The following TBL1X variants were observed in gnomAD, a reference collection of about 807,000 sequenced individuals.
TBL1X encodes transducin beta like 1 X-linked.
In TBL1X, 10 loss-of-function variants were observed where a neutral mutation model predicts 50.7. The observed-to-expected ratio is 0.20, with a 90% CI of 0.12 to 0.33. The LOEUF is 0.33. Ranked by LOEUF, TBL1X falls within the 10% of genes least tolerant of loss-of-function variation. The pLI is 1.00. For synonymous variants in TBL1X, 190 were observed against 214.7 expected, an observed-to-expected ratio of 0.88 and a Z score of 1.01; for missense variants, 340 against 504.4, an observed-to-expected ratio of 0.67 and a Z score of 3.12.
At position 9,691,134 on chromosome X, in the gene TBL1X, C is replaced by T. The variant is rs748850784; in HGVS notation, c.617-445C>T. On this transcript the variant is annotated intron_variant, in intron 7 of 17. Coordinates refer to ENST00000645353, the MANE Select transcript of TBL1X (RefSeq NM_005647.4). ...CTAAATTGCACTAAAGCCACGATTT[C>T]GTTAGAATCATCAGAGGTAGGCCGG... Among the ~76,000 whole-genome samples the T allele has an allele frequency of 1.8e-4, 20 of 111,886 alleles. No homozygotes were observed. The East Asian group carries it at 4.8e-3, about 27-fold the overall frequency.
intron 2 of TBL1X, among the ~76,000 whole-genome samples, chrX:9,513,349 G>T (rs191280261): frequency 2.7e-4 from 30 of 110,751 alleles, no homozygotes; most frequent in African/African-American, 9.8e-4. Context: ...TGGCCTGATG[G>T]TGTACTCCAG....
At chrX:9,682,274 C>T (rs1422203346) in intron 5 of TBL1X, among the ~76,000 whole-genome samples, 1 of 111,803 alleles carries the variant, frequency 8.9e-6, no homozygotes, top group Non-Finnish European at 1.9e-5. Context: ...TGTAAACAGC[C>T]TTGGCTTATA....
At chrX:9,647,414 G>A (rs1412248928) in intron 3 of TBL1X, among the ~76,000 whole-genome samples, 1 of 111,845 alleles carries the variant, frequency 8.9e-6, no homozygotes, top group Non-Finnish European at 1.9e-5. Context: ...TTTCGTTTTT[G>A]CGCAATCACA....
chrX:9,652,743 C>T (rs961024105), intron 3 of TBL1X, among the ~76,000 whole-genome samples: 5 of 109,195 alleles, frequency 4.6e-5, no homozygotes, highest in Non-Finnish European at 9.5e-5. Flanking sequence ...CACAGCTACC[C>T]GGGAGGCTGA....
rs953291376 is a variant in TBL1X at position 9,488,422 on chromosome X, G to A, written c.-200-13358G>A. Among the ~76,000 whole-genome samples, 7 of 111,427 alleles carry A rather than the reference G, an allele frequency of 6.3e-5. No individual in the cohort carries two copies. The East Asian group carries it at 8.5e-4, about 14-fold the overall frequency. On this transcript the variant is annotated intron_variant, in intron 1 of 17. Transcript: ENST00000645353. Reference sequence around the variant, plus strand: ...CTTCCTCCATCTGCAGAGGAGCAGCGTAGCACCTCTCTGACTGTCCTTCCA... The same window carrying A: ...CTTCCTCCATCTGCAGAGGAGCAGCATAGCACCTCTCTGACTGTCCTTCCA...
intron 2 of TBL1X, among the ~76,000 whole-genome samples, chrX:9,596,316 A>G (rs377110773): frequency 8.9e-6 from 1 of 112,447 alleles, no homozygotes; most frequent in South Asian, 3.7e-4. Flanking sequence ...TAATTGTTAC[A>G]TAGGCCAGCC....
rs770995288 is a variant in TBL1X, at chrX:9,653,674, C to T, written c.88C>T (p.Arg30Cys). Residue 30 changes from arginine (R) to cysteine (C), a missense_variant, in exon 4 of 18, where the codon CGT (arginine) becomes TGT (cysteine). Coordinates refer to ENST00000645353, the MANE Select transcript of TBL1X (RefSeq NM_005647.4). Reference sequence around the variant, plus strand: ...GCAGTCAGTCTTGCACCACTTTCAACGTTTGCGAGGGAGAGGTACTGCGGT... The same window carrying T: ...GCAGTCAGTCTTGCACCACTTTCAATGTTTGCGAGGGAGAGGTACTGCGGT... ...AMQSVLHHFQ[R>C]LRGREGGSHF... 7.7e-6 allele frequency: 9 copies of T among 1,168,988 alleles called. No homozygotes were observed. The East Asian group carries it at 1.9e-4, about 25-fold the overall frequency.
chrX:9,615,821 A>G (rs1158928127), intron 2 of TBL1X, among the ~76,000 whole-genome samples: 1 of 111,882 alleles, frequency 8.9e-6, no homozygotes, highest in African/African-American at 3.3e-5. Context: ...AGCTTTTTGC[A>G]CAGGGAAGGC....
chrX:9,471,429 G>A (rs1403515142), intron 1 of TBL1X, among the ~76,000 whole-genome samples: 2 of 111,994 alleles, frequency 1.8e-5, no homozygotes, highest in African/African-American at 6.5e-5. Context: ...TTTGGAAGAT[G>A]GACCCTGCTT....
intron 2 of TBL1X, among the ~76,000 whole-genome samples, chrX:9,532,211 C>G (rs954867590): frequency 1.8e-5 from 2 of 111,520 alleles, no homozygotes; most frequent in Non-Finnish European, 3.8e-5. Context: ...CACTGGGAGC[C>G]CCTGCCCCAG....
chrX:9,499,815 A>C (rs1477925124), intron 1 of TBL1X, among the ~76,000 whole-genome samples: 9 of 110,190 alleles, frequency 8.2e-5, no homozygotes, highest in African/African-American at 3.0e-4. Flanking sequence ...GTCTCTACTA[A>C]AAATACAAAA....
At chrX:9,612,449 A>G (rs1033528286) in intron 2 of TBL1X, among the ~76,000 whole-genome samples, 1 of 111,897 alleles carries the variant, frequency 8.9e-6, no homozygotes, top group Non-Finnish European at 1.9e-5. Flanking sequence ...AGTACAAAGA[A>G]GCAGGTAAAA....
chrX:9,505,203 C>T (rs2082020043), intron 2 of TBL1X, among the ~76,000 whole-genome samples: 1 of 111,702 alleles, frequency 9.0e-6, no homozygotes. Flanking sequence ...TTATATCTAG[C>T]CAAACTAAGC....
intron 2 of TBL1X, among the ~76,000 whole-genome samples, chrX:9,635,358 C>T (rs1210655293): frequency 9.1e-6 from 1 of 109,903 alleles, no homozygotes; most frequent in Non-Finnish European, 1.9e-5. Flanking sequence ...TATTGAAATA[C>T]AGAAACGTGA....
Position 9,654,271 on chromosome X carries a change from A to C in TBL1X, c.160A>C (p.Ile54Leu), listed in dbSNP as rs146358253. ...GCCGCGAGGTGAGGCTAAGATGAGC[A>C]TAACCAGTGACGAGGTGAACTTTCT... ...SSPRGEAKMS[I>L]TSDEVNFLVY... Residue 54 changes from isoleucine to leucine, a missense_variant, in exon 5 of 18, where the codon ATA becomes CTA. Transcript: ENST00000645353. 5.0e-6 allele frequency: 6 copies of C among 1,208,764 alleles called. No homozygotes were observed. The African/African-American group carries it at 1.1e-4, about 21-fold the overall frequency.
chrX:9,466,583 G>C (rs1034901546), intron 1 of TBL1X, among the ~76,000 whole-genome samples: 12 of 112,261 alleles, frequency 1.1e-4, no homozygotes, highest in African/African-American at 3.6e-4. Context: ...GGTTTGACCT[G>C]CCTTTTGGAT....
chrX:9,662,406 C>A (rs768630501), intron 5 of TBL1X, among the ~76,000 whole-genome samples: 1 of 111,954 alleles, frequency 8.9e-6, no homozygotes, highest in African/African-American at 3.3e-5. Context: ...AATTCTGACA[C>A]AGGCTCCAGC....
At chrX:9,471,134 T>C (rs1254121743) in intron 1 of TBL1X, among the ~76,000 whole-genome samples, 1 of 112,899 alleles carries the variant, frequency 8.9e-6, no homozygotes, top group African/African-American at 3.2e-5. Context: ...CAAGTTGTTT[T>C]TGCCTTTGTT....
chrX:9,586,136 T>G (rs1191010915), intron 2 of TBL1X, among the ~76,000 whole-genome samples: 2 of 112,146 alleles, frequency 1.8e-5, no homozygotes, highest in African/African-American at 6.5e-5. Context: ...AAATCCACTT[T>G]TGGGTATACA....
Sources: gnomAD v4.1 joint callset for allele counts (sites outside exome capture counted in the v4.1 genomes callset) on GRCh38, gnomAD v4.1.1 for gene constraint, MANE v1.5 for transcripts, NCBI Gene and HGNC (gene_info 2026-07-23, HGNC 2026-07-21) for gene names.